Variants in IL1RAPL1 observed in about 807,000 individuals in gnomAD.
IL1RAPL1 encodes the protein interleukin 1 receptor accessory protein like 1.
IL1RAPL1 carries 3 observed loss-of-function variants against 48.4 expected under a neutral mutation model. The ratio of observed to expected loss-of-function variants is 0.06; its 90% CI spans 0.03 to 0.16. The LOEUF (loss-of-function observed/expected upper bound fraction) is 0.16, where lower values mean the gene tolerates loss of function less well. Ranked by LOEUF, IL1RAPL1 falls within the 10% of genes least tolerant of loss-of-function variation. The pLI, the probability that IL1RAPL1 is intolerant of heterozygous loss-of-function variation, is 1.00. For synonymous variants in IL1RAPL1, 185 were observed against 187.7 expected (o/e 0.99, Z 0.12); for missense variants, 349 against 530.6 (o/e 0.66, Z 3.36).
chrX:29,217,771 TCTCTCTCACACACA>T (rs1313967383), intron 2 of IL1RAPL1, among the ~76,000 whole-genome samples: 6 of 74,951 alleles, frequency 8.0e-5, no homozygotes, highest in African/African-American at 4.6e-4. Flanking sequence ...TCTCTCTCTC[TCTCTCTCACACACA>T]CACACACACA....
chrX:29,194,935 C>T (rs1378604173), intron 2 of IL1RAPL1, among the ~76,000 whole-genome samples: 1 of 110,961 alleles, frequency 9.0e-6, no homozygotes, highest in African/African-American at 3.3e-5. Context: ...GTTCCACAGT[C>T]ACCTCAGTTT....
chrX:28,785,390 T>C (rs940364656), intron 1 of IL1RAPL1, among the ~76,000 whole-genome samples: 4 of 112,280 alleles, frequency 3.6e-5, no homozygotes, highest in Non-Finnish European at 3.8e-5. Flanking sequence ...CCTCCCAAAA[T>C]GTTAGGATTA....
At chrX:28,681,950 A>G (rs1935064585) in intron 1 of IL1RAPL1, among the ~76,000 whole-genome samples, 1 of 111,624 alleles carries the variant, frequency 9.0e-6, no homozygotes, top group Non-Finnish European at 1.9e-5. Context: ...ATGAGTCTTC[A>G]TTTCCCTCTT....
intron 1 of IL1RAPL1, among the ~76,000 whole-genome samples, chrX:28,645,545 T>C (rs777028936): frequency 1.8e-5 from 2 of 109,757 alleles, no homozygotes; most frequent in African/African-American, 3.3e-5. Flanking sequence ...TTTTATGCTA[T>C]TGGCGATGAG....
chrX:29,688,257 G>T (rs1041493157), intron 6 of IL1RAPL1, among the ~76,000 whole-genome samples: 2 of 111,584 alleles, frequency 1.8e-5, no homozygotes, highest in African/African-American at 6.5e-5. Flanking sequence ...CCCTCAGGAG[G>T]TTCTAGGAGA....
chrX:28,837,467 G>T (rs112383134), intron 2 of IL1RAPL1, among the ~76,000 whole-genome samples: 1,755 of 110,259 alleles, frequency 0.016, 36 homozygotes, highest in African/African-American at 0.055. Flanking sequence ...AAAATAAAAT[G>T]TAGTTTGGGA....
intron 5 of IL1RAPL1, among the ~76,000 whole-genome samples, chrX:29,477,989 A>C (rs1330466787): frequency 1.8e-5 from 2 of 112,118 alleles, no homozygotes; most frequent in Non-Finnish European, 3.8e-5. Context: ...TAACCAAACA[A>C]CCTCACTAGC....
chrX:28,797,513 C>G (rs1936627503), intron 2 of IL1RAPL1, among the ~76,000 whole-genome samples: 1 of 111,477 alleles, frequency 9.0e-6, no homozygotes, highest in African/African-American at 3.3e-5. Context: ...TTCTACAAAT[C>G]TCTAGGGCAG....
chrX:29,696,912 C>CA (rs1409041472), intron 6 of IL1RAPL1, among the ~76,000 whole-genome samples: 1 of 110,741 alleles, frequency 9.0e-6, no homozygotes, highest in Non-Finnish European at 1.9e-5. Flanking sequence ...TAACTGTCCT[C>CA]AAAAACATAA....
intron 6 of IL1RAPL1, among the ~76,000 whole-genome samples, chrX:29,783,126 G>A (rs5972958): frequency 0.023 from 2,473 of 108,400 alleles, 78 homozygotes; most frequent in African/African-American, 0.079. Context: ...GGATGGTCTC[G>A]ATCTCCTGAC....
chrX:29,798,724 C>A (rs1929806568), intron 6 of IL1RAPL1, among the ~76,000 whole-genome samples: 2 of 112,362 alleles, frequency 1.8e-5, no homozygotes, highest in African/African-American at 3.2e-5. Context: ...GGAAGTTTCA[C>A]AACCTGATTG....
chrX:29,333,445 G>C (rs1211650456), intron 3 of IL1RAPL1, among the ~76,000 whole-genome samples: 2 of 82,573 alleles, frequency 2.4e-5, no homozygotes, highest in African/African-American at 8.7e-5. Flanking sequence ...GCGGCTGGCC[G>C]GGCAGAGGGG....
At chrX:29,840,064 G>A (rs1931105108) in intron 6 of IL1RAPL1, among the ~76,000 whole-genome samples, 2 of 112,226 alleles carry the variant, frequency 1.8e-5, no homozygotes, top group African/African-American at 6.5e-5. Flanking sequence ...TGCACTGGGG[G>A]GTCGCAGGCT....
intron 2 of IL1RAPL1, among the ~76,000 whole-genome samples, chrX:28,895,218 G>A (rs1233733709): frequency 9.0e-6 from 1 of 111,038 alleles, no homozygotes; most frequent in Non-Finnish European, 1.9e-5. Flanking sequence ...CGCAGATCTT[G>A]AACTAACCTG....
chrX:29,474,379 T>C (rs897990966), intron 5 of IL1RAPL1, among the ~76,000 whole-genome samples: 2 of 111,967 alleles, frequency 1.8e-5, no homozygotes, highest in Admixed American at 9.5e-5. Flanking sequence ...CAACCTGGAG[T>C]AAACTGCCTC....
At chrX:29,593,051 A>G (rs927643921) in intron 5 of IL1RAPL1, among the ~76,000 whole-genome samples, 3 of 112,374 alleles carry the variant, frequency 2.7e-5, no homozygotes, top group Non-Finnish European at 5.6e-5. Flanking sequence ...CTGTTCTTGC[A>G]GAGTGGGAAA....
At chrX:29,844,652 T>C (rs111833425) in intron 6 of IL1RAPL1, among the ~76,000 whole-genome samples, 5,492 of 111,939 alleles carry the variant, frequency 0.049, 324 homozygotes, top group African/African-American at 0.17. Context: ...TTGTAATAGG[T>C]ATTATAAATA....
At chrX:29,621,952 A>G (rs1924474198) in intron 5 of IL1RAPL1, among the ~76,000 whole-genome samples, 1 of 112,001 alleles carries the variant, frequency 8.9e-6, no homozygotes, top group Non-Finnish European at 1.9e-5. Flanking sequence ...GTAACAACCA[A>G]TATGCTATCT....
chrX:28,824,992 G>T (rs1166577170), intron 2 of IL1RAPL1, among the ~76,000 whole-genome samples: 1 of 111,518 alleles, frequency 9.0e-6, no homozygotes, highest in Non-Finnish European at 1.9e-5. Flanking sequence ...AGGGTATGCA[G>T]ATGTGTATGC....
Sources: gnomAD v4.1 joint callset for allele counts (sites outside exome capture counted in the v4.1 genomes callset) on GRCh38, gnomAD v4.1.1 for gene constraint, MANE v1.5 for transcripts, NCBI Gene and HGNC (gene_info 2026-07-23, HGNC 2026-07-21) for gene names.